Variants in KIAA0753 observed in about 807,000 individuals in gnomAD.
KIAA0753 encodes protein moonraker.
Under a neutral mutation model 116.9 loss-of-function variants are expected in KIAA0753, and 114 were observed. That is an observed-to-expected ratio of 0.98 (90% CI 0.84 to 1.14). KIAA0753 has a LOEUF of 1.14. KIAA0753 is among the 50% of genes most tolerant of loss of function. The pLI is 0.00. For synonymous variants in KIAA0753, 405 were observed against 413.1 expected (o/e 0.98, Z 0.24); for missense variants, 1,156 against 1,172.4 (o/e 0.99, Z 0.20).
At chr17:6,591,646 A>G (rs1164579536) in intron 16 of KIAA0753, among the ~76,000 whole-genome samples, 10 of 152,250 alleles carry the variant, frequency 6.6e-5, no homozygotes, top group African/African-American at 9.6e-5. Flanking sequence ...AGTCACAGAT[A>G]GTGACTAATA....
intron 3 of KIAA0753, among the ~76,000 whole-genome samples, chr17:6,626,562 T>C (rs1233394216): frequency 6.6e-6 from 1 of 152,018 alleles, no homozygotes; most frequent in Non-Finnish European, 1.5e-5. Context: ...CTGCAGATGA[T>C]TCCCATGCAG....
Position 6,635,057 on chromosome 17 carries a change from C to T in KIAA0753, c.47G>A (p.Arg16Lys), listed in dbSNP as rs959028482. The T allele has an allele frequency of 3.1e-6, 5 of 1,613,956 alleles. No individual in the cohort carries two copies. The highest frequency in any genetic ancestry group is 3.4e-6 in the Non-Finnish European group (4 of 1,179,894). Residue 16 changes from arginine to lysine, a missense_variant, in exon 2 of 19, where the codon AGG (arginine) becomes AAG (lysine). Arg to Lys is a conservative substitution (Grantham distance 26, BLOSUM62 2). Transcript: ENST00000361413. ...PASTCVHLAPRTQLDGRSDPK... is the reference protein window; with the variant it reads ...PASTCVHLAPKTQLDGRSDPK... ...GTCGCTCCTCCCATCAAGTTGGGTC[C>T]TAGGTGCTAGATGAACACAGGTTGA...
intron 18 of KIAA0753, among the ~76,000 whole-genome samples, chr17:6,580,566 T>C (rs1172867117): frequency 6.6e-6 from 1 of 152,116 alleles, no homozygotes. Flanking sequence ...TCCGCCTGCC[T>C]TGGCCTCCCA....
chr17:6,591,591 T>C (rs1969068155), intron 16 of KIAA0753, among the ~76,000 whole-genome samples: 1 of 152,230 alleles, frequency 6.6e-6, no homozygotes, highest in Non-Finnish European at 1.5e-5. Context: ...CAGTTCTCAG[T>C]GTCCTAGAGA....
At chr17:6,591,946 G>C (rs750118548) in intron 16 of KIAA0753, among the ~76,000 whole-genome samples, 3 of 152,246 alleles carry the variant, frequency 2.0e-5, no homozygotes, top group Non-Finnish European at 4.4e-5. Context: ...AGAGAGATGA[G>C]ACACCTTCAC....
intron 10 of KIAA0753, 55 bp from the exon 11 acceptor site, chr17:6,607,325 A>C (rs1970260665): frequency 2.8e-6 from 4 of 1,404,472 alleles, no homozygotes; most frequent in Non-Finnish European, 3.0e-6. Context: ...GCAGGGTGTC[A>C]TCATCACAGA....
At position 6,622,849 on chromosome 17, in the gene KIAA0753, C is replaced by T. The variant is rs1437694829; in HGVS notation, c.1104+33G>A. 3.8e-6 allele frequency: 6 copies of T among 1,564,536 alleles called. No homozygotes were observed. In the African/African-American group the frequency reaches 4.1e-5, roughly 11 times the overall value. On this transcript the variant is annotated intron_variant, in intron 6 of 18. Transcript: ENST00000361413. ...GTAATAGTAAGCATTACTTCCAATG[C>T]ACCTCTAACAAAAATTGGAATTAAT...
chr17:6,634,344 T>C lies in KIAA0753; in HGVS notation c.93+667A>G, dbSNP rs534382628. On this transcript the variant is annotated intron_variant, in intron 2 of 18. Coordinates refer to ENST00000361413, the MANE Select transcript of KIAA0753 (RefSeq NM_014804.3). ...GTCTCGAACTCCTGACCTCTGGTGA[T>C]CCGCCCGCCTGGACCTCCCAAAGTG... 3.2e-3 allele frequency among the ~76,000 whole-genome samples: 486 copies of C among 152,324 alleles called. 5 individuals carry two copies. Among genetic ancestry groups the C allele is most frequent in the African/African-American group, 0.011 (462 of 41,576 alleles).
chr17:6,637,072 C>G (rs983452367), intron 1 of KIAA0753: 2 of 152,630 alleles, frequency 1.3e-5, no homozygotes, highest in African/African-American at 4.8e-5. Context: ...CACAGCCTGG[C>G]TGCCCCCGGC....
rs765484973 is a variant in KIAA0753, at chr17:6,620,931, C to T, written c.1172G>A (p.Arg391Gln). 1.7e-5 allele frequency: 28 copies of T among 1,613,966 alleles called. No homozygotes were observed. The highest frequency in any genetic ancestry group is 6.7e-5 in the East Asian group (3 of 44,896). The change falls in exon 7 of 19, where the codon CGG becomes CAG. Residue 391 changes from arginine (R) to glutamine (Q), a missense_variant. Coordinates refer to ENST00000361413, the MANE Select transcript of KIAA0753 (RefSeq NM_014804.3). Reference protein sequence around the residue: ...KKVKKCFSEIRSRFPIGSQKA... With the variant: ...KKVKKCFSEIQSRFPIGSQKA... ...TTGGCTACCGATAGGAAATCTGCTC[C>T]GAATTTCACTGAAACATTTTTTCAC...
At position 6,628,548 on chromosome 17, in the gene KIAA0753, C is replaced by T. The variant is rs749344643; in HGVS notation, c.287G>A (p.Arg96Lys). Reference sequence around the variant, plus strand: ...GGCTAGGTGGACAGCATAGCTAAGTCTCTCTTGGGATATGACGGAAAATGA... The same window carrying T: ...GGCTAGGTGGACAGCATAGCTAAGTTTCTCTTGGGATATGACGGAAAATGA... ...SVSFSVISQERLSYAVHLARR... is the reference protein window; with the variant it reads ...SVSFSVISQEKLSYAVHLARR... Residue 96 changes from arginine to lysine, a missense_variant, in exon 3 of 19, where the codon AGA becomes AAA. Physicochemically the swap from Arg to Lys is conservative, Grantham distance 26 (BLOSUM62 2). Transcript: ENST00000361413. 2.5e-6 allele frequency: 4 copies of T among 1,614,178 alleles called. No homozygotes were observed. Among genetic ancestry groups the T allele is most frequent in the Non-Finnish European group, 3.4e-6 (4 of 1,180,020 alleles).
intron 2 of KIAA0753, among the ~76,000 whole-genome samples, chr17:6,629,038 T>C (rs1327064908): frequency 1.3e-5 from 2 of 152,230 alleles, no homozygotes; most frequent in Non-Finnish European, 2.9e-5. Flanking sequence ...CACTAAGTCC[T>C]TCAATTTCCC....
At position 6,624,780 on chromosome 17, in the gene KIAA0753, C is replaced by T. The variant is rs778952620; in HGVS notation, c.800G>A (p.Arg267Gln). 1.3e-5 allele frequency: 21 copies of T among 1,560,808 alleles called. No homozygotes were observed. The highest frequency in any genetic ancestry group is 3.5e-5 in the South Asian group (3 of 84,908). The change falls in exon 4 of 19, where the codon CGA (arginine) becomes CAA (glutamine). Residue 267 changes from arginine to glutamine, a missense_variant. Physicochemically the swap from Arg to Gln is conservative, Grantham distance 43. Coordinates refer to ENST00000361413, the MANE Select transcript of KIAA0753 (RefSeq NM_014804.3). ...RRQEQAARSA[R>Q]MLYVLQQQVK... is the part of the protein sequence containing the mutation. Reference sequence around the variant, plus strand: ...CTGCTGCTGGAGGACGTAGAGCATTCGGGCAGAGCGAGCAGCTTGCTCCTG... The same window carrying T: ...CTGCTGCTGGAGGACGTAGAGCATTTGGGCAGAGCGAGCAGCTTGCTCCTG...
chr17:6,628,111 T>TC lies in KIAA0753; in HGVS notation c.718+5dup. 1 of 1,602,376 alleles carries TC rather than the reference T, an allele frequency of 6.2e-7. No individual in the cohort carries two copies. Among genetic ancestry groups the TC allele is most frequent in the Non-Finnish European group, 8.5e-7 (1 of 1,175,136 alleles). ...AGGTCGAAGTAAAGAATCTAATTTT[T>TC]CTCACCTTTTTTAGTTACCTCTTCA... On this transcript the variant is annotated splice_donor_region_variant and intron_variant, in intron 3 of 18. Transcript: ENST00000361413.
chr17:6,625,986 G>A (rs1971643396), intron 3 of KIAA0753, among the ~76,000 whole-genome samples: 1 of 152,198 alleles, frequency 6.6e-6, no homozygotes, highest in Non-Finnish European at 1.5e-5. Context: ...ACAGGTGTGA[G>A]CCACCATGCC....
chr17:6,640,384 G>A (rs914981405), intron 1 of KIAA0753: 1 of 152,840 alleles, frequency 6.5e-6, no homozygotes, highest in Non-Finnish European at 1.5e-5. Flanking sequence ...CGCTCCCTAA[G>A]CTGCTCCACA....
At chr17:6,604,223 A>G (rs1467896088) in intron 12 of KIAA0753, among the ~76,000 whole-genome samples, 2 of 150,212 alleles carry the variant, frequency 1.3e-5, no homozygotes, top group African/African-American at 4.9e-5. Context: ...TAATAGCCCC[A>G]AACTGGAAAA....
At chr17:6,626,406 A>C (rs1445317901) in intron 3 of KIAA0753, among the ~76,000 whole-genome samples, 1 of 152,232 alleles carries the variant, frequency 6.6e-6, no homozygotes, top group Non-Finnish European at 1.5e-5. Context: ...TGAAGTCAGG[A>C]GTTGTAGATA....
chr17:6,634,848 C>A, intron 2 of KIAA0753, 163 bp downstream of exon 2: 1 of 574,722 alleles, frequency 1.7e-6, no homozygotes, highest in Non-Finnish European at 3.1e-6. Context: ...GGTGATTCTG[C>A]AAAAATTTTA....
Sources: gnomAD v4.1 joint callset for allele counts (sites outside exome capture counted in the v4.1 genomes callset) on GRCh38, gnomAD v4.1.1 for gene constraint, MANE v1.5 for transcripts, NCBI Gene and HGNC (gene_info 2026-07-23, HGNC 2026-07-21) for gene names.